The following TBC1D22A variants were observed in gnomAD, a reference collection of about 807,000 sequenced individuals.
TBC1D22A encodes TBC1 domain family member 22A.
TBC1D22A carries 38 observed loss-of-function variants against 60.2 expected under a neutral mutation model. That is an observed-to-expected ratio of 0.63 (90% confidence interval 0.49 to 0.83). TBC1D22A has a LOEUF of 0.83. Ranked by LOEUF, TBC1D22A falls within the 40% of genes least tolerant of loss-of-function variation. The pLI, the probability that TBC1D22A is intolerant of heterozygous loss-of-function variation, is 0.00. For missense variants in TBC1D22A, 628 were observed against 701.0 expected, an observed-to-expected ratio of 0.90 and a Z score of 1.18; for synonymous variants, 302 against 281.7, an observed-to-expected ratio of 1.07 and a Z score of -0.72.
intron 10 of TBC1D22A, among the ~76,000 whole-genome samples, chr22:47,015,283 G>T (rs1199500368): frequency 6.6e-6 from 1 of 152,214 alleles, no homozygotes; most frequent in Non-Finnish European, 1.5e-5. Flanking sequence ...CTAGAGGAGT[G>T]CGAGACTCCC....
At chr22:47,021,949 A>G (rs1158597594) in intron 10 of TBC1D22A, among the ~76,000 whole-genome samples, 1 of 152,160 alleles carries the variant, frequency 6.6e-6, no homozygotes. Context: ...CAGTGTAGAC[A>G]GGGCTGAGTG....
chr22:46,858,003 T>C (rs1478690010), intron 4 of TBC1D22A, among the ~76,000 whole-genome samples: 2 of 152,194 alleles, frequency 1.3e-5, no homozygotes, highest in Non-Finnish European at 2.9e-5. Flanking sequence ...GGAGTGGCGC[T>C]GCTGGCTCAC....
chr22:46,802,842 C>T (rs545048770), intron 4 of TBC1D22A, among the ~76,000 whole-genome samples: 1 of 126,944 alleles, frequency 7.9e-6, no homozygotes, highest in African/African-American at 3.0e-5. Flanking sequence ...AGGCCGTGGG[C>T]TGGGGATGTG....
chr22:46,880,700 G>T (rs2067807119), intron 5 of TBC1D22A, among the ~76,000 whole-genome samples: 2 of 152,082 alleles, frequency 1.3e-5, no homozygotes, highest in Admixed American at 1.3e-4. Flanking sequence ...ACAGCGTGGG[G>T]GCAGTTTAGT....
intron 8 of TBC1D22A, among the ~76,000 whole-genome samples, chr22:46,960,651 C>A (rs1602675921): frequency 6.6e-6 from 1 of 152,262 alleles, no homozygotes; most frequent in South Asian, 2.1e-4. Flanking sequence ...ACAAAAGATA[C>A]CCAGTCCAGG....
intron 12 of TBC1D22A, among the ~76,000 whole-genome samples, chr22:47,166,836 G>A (rs1316460972): frequency 2.6e-5 from 4 of 152,212 alleles, no homozygotes; most frequent in Non-Finnish European, 2.9e-5. Context: ...GAGAGAGGCC[G>A]GGGTACAGGT....
chr22:46,844,032 T>A (rs1317403125), intron 4 of TBC1D22A, among the ~76,000 whole-genome samples: 14 of 151,746 alleles, frequency 9.2e-5, no homozygotes. Context: ...ACACGGTCTC[T>A]GTCTTCTTGG....
At chr22:47,004,365 C>G (rs1418016785) in intron 10 of TBC1D22A, among the ~76,000 whole-genome samples, 3 of 150,332 alleles carry the variant, frequency 2.0e-5, no homozygotes, top group Admixed American at 6.6e-5. Context: ...TATACATACA[C>G]TCCTATATAC....
At chr22:46,953,916 G>A (rs1203095659) in intron 8 of TBC1D22A, among the ~76,000 whole-genome samples, 1 of 152,216 alleles carries the variant, frequency 6.6e-6, no homozygotes, top group Non-Finnish European at 1.5e-5. Flanking sequence ...CCATGTATAG[G>A]TAAGGAAGCT....
Position 47,095,562 on chromosome 22 carries a change from C to T in TBC1D22A, c.1330-15946C>T, listed in dbSNP as rs118042148. Among the ~76,000 whole-genome samples the T allele has an allele frequency of 3.0e-4, 45 of 152,278 alleles. 1 individual carries two copies. In the East Asian group the frequency reaches 8.1e-3, roughly 27 times the overall value. On this transcript the variant is annotated intron_variant, in intron 11 of 12. Transcript: ENST00000337137. ...GTCATTTTATAAGCAAAACTAAATC[C>T]GCCACAGAACGTGTAGTGCAGTGTT...
chr22:46,950,341 A>T (rs2072822294), intron 8 of TBC1D22A, among the ~76,000 whole-genome samples: 1 of 152,180 alleles, frequency 6.6e-6, no homozygotes, highest in Non-Finnish European at 1.5e-5. Flanking sequence ...GAAGGATGGC[A>T]GGAGCTTAGT....
intron 11 of TBC1D22A, among the ~76,000 whole-genome samples, chr22:47,051,325 C>A (rs902531284): frequency 2.0e-5 from 3 of 152,188 alleles, no homozygotes; most frequent in African/African-American, 7.2e-5. Flanking sequence ...TAATTAACTA[C>A]AATTTAAATT....
chr22:46,942,193 G>A (rs1356115239), intron 8 of TBC1D22A, among the ~76,000 whole-genome samples: 3 of 151,916 alleles, frequency 2.0e-5, no homozygotes, highest in Non-Finnish European at 2.9e-5. Context: ...CAGGCTGCCC[G>A]GCATGTGGTT....
intron 8 of TBC1D22A, among the ~76,000 whole-genome samples, chr22:46,948,428 C>T (rs1028680489): frequency 1.3e-5 from 2 of 152,218 alleles, no homozygotes; most frequent in Non-Finnish European, 2.9e-5. Flanking sequence ...TGGTAATGCC[C>T]TTTGAGATTT....
intron 4 of TBC1D22A, among the ~76,000 whole-genome samples, chr22:46,869,307 G>A (rs1283602414): frequency 6.6e-6 from 1 of 152,214 alleles, no homozygotes; most frequent in Non-Finnish European, 1.5e-5. Context: ...GTGACTCACT[G>A]TACCTTGCAT....
intron 4 of TBC1D22A, among the ~76,000 whole-genome samples, chr22:46,812,282 T>G (rs139575): frequency 9.1e-4 from 138 of 152,290 alleles, no homozygotes; most frequent in Middle Eastern, 3.4e-3. Context: ...TGCCGCTGCC[T>G]CCTCCTGCCT....
intron 4 of TBC1D22A, among the ~76,000 whole-genome samples, chr22:46,830,636 C>T (rs894403194): frequency 3.9e-5 from 6 of 152,138 alleles, no homozygotes; most frequent in African/African-American, 1.4e-4. Context: ...AAGGCCAAGC[C>T]CAACATCAAT....
intron 10 of TBC1D22A, among the ~76,000 whole-genome samples, chr22:46,998,159 C>G (rs534045045): frequency 2.8e-4 from 42 of 152,148 alleles, no homozygotes; most frequent in African/African-American, 1.0e-3. Flanking sequence ...AGTATGTGCT[C>G]AGGCAATTTT....
At chr22:46,987,031 G>A (rs747658469) in intron 9 of TBC1D22A, among the ~76,000 whole-genome samples, 7 of 152,186 alleles carry the variant, frequency 4.6e-5, no homozygotes, top group East Asian at 1.9e-4. Flanking sequence ...GATTGTCCTC[G>A]TGGCATGGTG....
Sources: allele counts gnomAD v4.1 joint callset (sites outside exome capture counted in the v4.1 genomes callset), GRCh38; gene constraint gnomAD v4.1.1; transcripts MANE v1.5; gene names NCBI Gene and HGNC (gene_info 2026-07-23, HGNC 2026-07-21).